Variants in IMMP2L observed in about 807,000 individuals in gnomAD.
IMMP2L encodes the protein inner mitochondrial membrane peptidase subunit 2, also known as mitochondrial inner membrane protease subunit 2.
IMMP2L carries 18 observed loss-of-function variants against 19.3 expected under a neutral mutation model. The observed-to-expected ratio is 0.93, with a 90% confidence interval of 0.64 to 1.38. The LOEUF is 1.38. Ranked by LOEUF, IMMP2L falls within the 40% of genes most tolerant of loss-of-function variation. The probability of loss-of-function intolerance (pLI) is 0.00; values close to 1 mark genes in which losing one functional copy is unlikely to be tolerated. For missense variants in IMMP2L, 233 were observed against 218.2 expected, an observed-to-expected ratio of 1.07 and a Z score of -0.43; for synonymous variants, 76 against 73.0, an observed-to-expected ratio of 1.04 and a Z score of -0.21.
At chr7:111,174,807 T>C (rs1806856544) in intron 3 of IMMP2L, among the ~76,000 whole-genome samples, 1 of 151,680 alleles carries the variant, frequency 6.6e-6, no homozygotes. Flanking sequence ...GTGCAGTAAA[T>C]GGTCGAAGAA....
intron 5 of IMMP2L, among the ~76,000 whole-genome samples, chr7:110,675,610 G>A (rs985856217): frequency 2.6e-5 from 4 of 152,140 alleles, no homozygotes; most frequent in Non-Finnish European, 5.9e-5. Context: ...GAACCAAAAC[G>A]TTTGTGTGGT....
intron 5 of IMMP2L, among the ~76,000 whole-genome samples, chr7:110,776,311 T>A (rs1799385751): frequency 6.6e-6 from 1 of 151,982 alleles, no homozygotes; most frequent in African/African-American, 2.4e-5. Context: ...AAAACAATCT[T>A]TGATAAAAAT....
chr7:111,216,994 G>A (rs1811991736), intron 3 of IMMP2L, among the ~76,000 whole-genome samples: 1 of 151,626 alleles, frequency 6.6e-6, no homozygotes, highest in Admixed American at 6.6e-5. Flanking sequence ...ACCCTAAATG[G>A]CACATTTTAA....
intron 1 of IMMP2L, among the ~76,000 whole-genome samples, chr7:111,531,127 T>C (rs1371292741): frequency 6.6e-6 from 1 of 151,940 alleles, no homozygotes; most frequent in African/African-American, 2.4e-5. Context: ...AATTTTGTTT[T>C]GGTATTTTTA....
At chr7:110,837,369 CAG>C (rs1438246575) in intron 5 of IMMP2L, among the ~76,000 whole-genome samples, 1 of 151,302 alleles carries the variant, frequency 6.6e-6, no homozygotes, top group East Asian at 1.9e-4. Flanking sequence ...AAACAAAAGG[CAG>C]AGAGACAGAG....
At chr7:111,167,543 C>G (rs1311506688) in intron 3 of IMMP2L, among the ~76,000 whole-genome samples, 1 of 151,936 alleles carries the variant, frequency 6.6e-6, no homozygotes, top group Non-Finnish European at 1.5e-5. Context: ...AGGTTACCAA[C>G]TGAAATCATA....
intron 2 of IMMP2L, among the ~76,000 whole-genome samples, chr7:111,489,964 A>G (rs774972948): frequency 2.6e-5 from 4 of 150,964 alleles, no homozygotes; most frequent in Non-Finnish European, 5.9e-5. Context: ...TGCCCAGCTA[A>G]TTTTTGTATT....
intron 4 of IMMP2L, among the ~76,000 whole-genome samples, chr7:110,923,915 T>C (rs1302733356): frequency 1.3e-5 from 2 of 152,158 alleles, no homozygotes; most frequent in African/African-American, 2.4e-5. Flanking sequence ...TATAGCCTGA[T>C]TGCTAGTGAT....
chr7:111,064,138 G>A (rs777238408), intron 3 of IMMP2L, among the ~76,000 whole-genome samples: 2 of 152,132 alleles, frequency 1.3e-5, no homozygotes, highest in African/African-American at 2.4e-5. Context: ...GGCTGTGGAA[G>A]ACAACACAAT....
chr7:110,832,336 C>T (rs1432532696), intron 5 of IMMP2L, among the ~76,000 whole-genome samples: 2 of 152,122 alleles, frequency 1.3e-5, no homozygotes, highest in African/African-American at 4.8e-5. Context: ...ACTGTACTGT[C>T]GTTATCCTGG....
rs764951615 is a variant in IMMP2L, at chr7:110,979,379, T to G, written c.240-15814A>C. 3.9e-5 allele frequency among the ~76,000 whole-genome samples: 6 copies of G among 152,276 alleles called. No homozygotes were observed. In the South Asian group the frequency reaches 1.0e-3, roughly 26 times the overall value. On this transcript the variant is annotated intron_variant, in intron 3 of 5. Transcript: ENST00000405709. ...TAGTATTTATCTTTTCTCATTGTTT[T>G]CTAACTCTACACATTTTTAAACAAT...
At chr7:111,490,887 T>C (rs1325384170) in intron 2 of IMMP2L, among the ~76,000 whole-genome samples, 7 of 152,164 alleles carry the variant, frequency 4.6e-5, no homozygotes, top group African/African-American at 1.2e-4. Context: ...ACAAATATAG[T>C]TGACCCTTGA....
At chr7:111,370,806 G>C (rs1351539426) in intron 3 of IMMP2L, among the ~76,000 whole-genome samples, 1 of 151,746 alleles carries the variant, frequency 6.6e-6, no homozygotes, top group Non-Finnish European at 1.5e-5. Flanking sequence ...TAAGAACTAT[G>C]ATACAACCAG....
chr7:110,963,618 A>C (rs1346891406), intron 3 of IMMP2L, 53 bp from the exon 4 acceptor site: 1 of 1,125,288 alleles, frequency 8.9e-7, no homozygotes, highest in Non-Finnish European at 1.3e-6. Context: ...TTGTTTTAGG[A>C]AGATGAAAAG....
At chr7:110,776,309 C>A (rs898458214) in intron 5 of IMMP2L, among the ~76,000 whole-genome samples, 2 of 152,002 alleles carry the variant, frequency 1.3e-5, no homozygotes, top group African/African-American at 4.8e-5. Flanking sequence ...TAAAAACAAT[C>A]TTTGATAAAA....
At chr7:111,138,835 T>C (rs931701963) in intron 3 of IMMP2L, among the ~76,000 whole-genome samples, 2 of 152,172 alleles carry the variant, frequency 1.3e-5, no homozygotes, top group African/African-American at 4.8e-5. Context: ...CTGGAATAGC[T>C]TGGCATTTCT....
At chr7:111,129,722 A>G (rs941303749) in intron 3 of IMMP2L, among the ~76,000 whole-genome samples, 1 of 152,124 alleles carries the variant, frequency 6.6e-6, no homozygotes, top group African/African-American at 2.4e-5. Flanking sequence ...GACTACTTTT[A>G]TCTGTTCATT....
At chr7:110,972,486 G>GATA (rs1354844527) in intron 3 of IMMP2L, among the ~76,000 whole-genome samples, 13 of 152,056 alleles carry the variant, frequency 8.5e-5, no homozygotes, top group Admixed American at 7.9e-4. Flanking sequence ...AAACTACATG[G>GATA]AGCTATAGAG....
chr7:110,962,352 A>T (rs1819038849), intron 4 of IMMP2L: 1 of 152,062 alleles, frequency 6.6e-6, no homozygotes, highest in African/African-American at 2.4e-5. Context: ...AATACCAATA[A>T]TAAACCCTTA....
Sources: gnomAD v4.1 joint callset for allele counts (sites outside exome capture counted in the v4.1 genomes callset) on GRCh38, gnomAD v4.1.1 for gene constraint, MANE v1.5 for transcripts, NCBI Gene and HGNC (gene_info 2026-07-23, HGNC 2026-07-21) for gene names.